The following SAMSN1 variants were observed in gnomAD, a reference collection of about 807,000 sequenced individuals.
The protein encoded by SAMSN1 is SAM domain-containing protein SAMSN-1.
SAMSN1 carries 31 observed loss-of-function variants against 42.0 expected under a neutral mutation model. The ratio of observed to expected loss-of-function variants is 0.74; its 90% CI spans 0.55 to 1.00. The LOEUF (loss-of-function observed/expected upper bound fraction) is 1.00. Among genes scored for constraint, SAMSN1 ranks in the 50% least tolerant of loss-of-function variants. The pLI is 0.00. For synonymous variants in SAMSN1, 178 were observed against 151.9 expected (o/e 1.17, Z -1.26); for missense variants, 464 against 439.4 (o/e 1.06, Z -0.50).
chr21:14,616,892 T>A (rs1346571483), intron 2 of SAMSN1, among the ~76,000 whole-genome samples: 1 of 152,188 alleles, frequency 6.6e-6, no homozygotes, highest in African/African-American at 2.4e-5. Context: ...AGGTCGTTAA[T>A]AGTAACAGCC....
At chr21:14,557,625 G>C (rs754611879) in intron 2 of SAMSN1, among the ~76,000 whole-genome samples, 1 of 152,152 alleles carries the variant, frequency 6.6e-6, no homozygotes, top group African/African-American at 2.4e-5. Flanking sequence ...AAATTTCTAC[G>C]GGGAATTCAC....
At chr21:14,569,985 C>CAG (rs1491322955) in intron 2 of SAMSN1, among the ~76,000 whole-genome samples, 1 of 52,682 alleles carries the variant, frequency 1.9e-5, no homozygotes, top group African/African-American at 1.4e-4. Context: ...TAACCACTTT[C>CAG]CCCCCCCCCA....
At chr21:14,605,863 A>C (rs1394986184) in intron 5 of SAMSN1, among the ~76,000 whole-genome samples, 2 of 143,326 alleles carry the variant, frequency 1.4e-5, no homozygotes, top group East Asian at 4.1e-4. Flanking sequence ...TTTTTTTGAG[A>C]TGGAGTCTCA....
At chr21:14,586,883 C>T (rs1401262543), upstream of SAMSN1, among the ~76,000 whole-genome samples, 1 of 152,124 alleles carries the variant, frequency 6.6e-6, no homozygotes, top group Non-Finnish European at 1.5e-5. Context: ...GAAGAGAAGT[C>T]TTGGAACACA....
At chr21:14,606,101 A>C (rs1313509771) in intron 5 of SAMSN1, among the ~76,000 whole-genome samples, 1 of 152,102 alleles carries the variant, frequency 6.6e-6, no homozygotes, top group African/African-American at 2.4e-5. Context: ...CGGCTGCCCA[A>C]AGTGCTGGGA....
At chr21:14,639,676 G>A (rs912148165) in intron 2 of SAMSN1, among the ~76,000 whole-genome samples, 20 of 152,074 alleles carry the variant, frequency 1.3e-4, no homozygotes, top group African/African-American at 4.8e-4. Flanking sequence ...TACTAAAATA[G>A]ATACAGAATC....
At chr21:14,612,857 A>G (rs989429930) in intron 4 of SAMSN1, 2 of 705,074 alleles carry the variant, frequency 2.8e-6, no homozygotes, top group Admixed American at 4.2e-5. Flanking sequence ...TTACACTTGT[A>G]ACCTTAGGAA....
intron 6 of SAMSN1, among the ~76,000 whole-genome samples, chr21:14,601,202 T>A (rs1405893863): frequency 6.6e-6 from 1 of 152,192 alleles, no homozygotes; most frequent in Non-Finnish European, 1.5e-5. Flanking sequence ...AAGGGCAATG[T>A]GTTATCACAT....
chr21:14,595,290 C>T (rs1429042424), intron 6 of SAMSN1, among the ~76,000 whole-genome samples: 1 of 152,090 alleles, frequency 6.6e-6, no homozygotes, highest in Non-Finnish European at 1.5e-5. Flanking sequence ...CATGAGGGCC[C>T]TCATGAATGG....
intron 2 of SAMSN1, among the ~76,000 whole-genome samples, chr21:14,558,542 G>A (rs544753895): frequency 3.3e-5 from 5 of 151,904 alleles, no homozygotes; most frequent in Non-Finnish European, 5.9e-5. Context: ...TTAGCCGGCC[G>A]TGGTGATGCA....
chr21:14,591,041 C>T (rs1217036011), intron 7 of SAMSN1, among the ~76,000 whole-genome samples: 3 of 151,934 alleles, frequency 2.0e-5, no homozygotes, highest in Non-Finnish European at 4.4e-5. Flanking sequence ...ATTAAAAAGA[C>T]AATTTAAGAT....
intron 2 of SAMSN1, among the ~76,000 whole-genome samples, chr21:14,620,248 GGT>G (rs1311268487): frequency 2.0e-5 from 3 of 152,114 alleles, no homozygotes; most frequent in Non-Finnish European, 4.4e-5. Flanking sequence ...GTAATCCCTA[GGT>G]GTTGAGGGAG....
rs988522209 is a variant in SAMSN1, at chr21:14,519,501, T to TAC, written c.129+1647_129+1648dup. Among the ~76,000 whole-genome samples, 10 of 151,400 alleles carry TAC rather than the reference T, an allele frequency of 6.6e-5. 1 individual carries two copies. Among genetic ancestry groups the TAC allele is most frequent in the South Asian group, 2.1e-4 (1 of 4,810 alleles). ...CAGTTTCTCTCTCTCTCCATATATA[T>TAC]ACACACACACACACAAACACATATA... On this transcript the variant is annotated intron_variant, in intron 2 of 7. Coordinates refer to ENST00000400566, the MANE Select transcript of SAMSN1 (RefSeq NM_022136.5).
At chr21:14,576,336 G>T (rs1981462242) in intron 2 of SAMSN1, among the ~76,000 whole-genome samples, 1 of 152,122 alleles carries the variant, frequency 6.6e-6, no homozygotes, top group Admixed American at 6.6e-5. Flanking sequence ...CAGAGAGACC[G>T]AGGGAGACTG....
intron 1 of SAMSN1, among the ~76,000 whole-genome samples, chr21:14,523,013 T>C (rs1978592084): frequency 6.6e-6 from 1 of 152,214 alleles, no homozygotes. Flanking sequence ...ATGAGAAGAT[T>C]GTGCAAACCC....
chr21:14,495,735 C>G (rs1189791648), intron 7 of SAMSN1: 1 of 152,116 alleles, frequency 6.6e-6, no homozygotes. Flanking sequence ...TTTGGAGACA[C>G]TATGTTTTGT....
exon 7 of SAMSN1, chr21:14,594,049 G>T: frequency 1.4e-6 from 1 of 715,542 alleles, no homozygotes; most frequent in South Asian, 1.5e-5. Context: ...GTCTTTGATA[G>T]TGAAATGGAC....
chr21:14,516,693 T>G lies in SAMSN1; in HGVS notation c.279+199A>C, dbSNP rs571107703. ...GGTGTGAGCCACTGCACCCAGCAGA[T>G]GCATGATCTTTCTGAGTGTCAGTTT... On this transcript the variant is annotated intron_variant, in intron 3 of 7. Transcript: ENST00000400566. Among the ~76,000 whole-genome samples the G allele has an allele frequency of 1.6e-3, 244 of 152,290 alleles. 1 individual carries two copies. Among genetic ancestry groups the G allele is most frequent in the African/African-American group, 5.7e-3 (238 of 41,584 alleles).
At chr21:14,658,850 T>G (rs914054155), upstream of SAMSN1, 25 of 711,076 alleles carry the variant, frequency 3.5e-5, no homozygotes, top group East Asian at 2.7e-5. Flanking sequence ...CCTTCACAGC[T>G]GTTTGGCCAG....
Sources: allele counts gnomAD v4.1 joint callset (sites outside exome capture counted in the v4.1 genomes callset), GRCh38; gene constraint gnomAD v4.1.1; transcripts MANE v1.5; gene names NCBI Gene and HGNC (gene_info 2026-07-23, HGNC 2026-07-21).